The following PTPRR variants were observed in gnomAD, a reference collection of about 807,000 sequenced individuals.
PTPRR encodes the protein protein tyrosine phosphatase receptor type R, also known as receptor-type tyrosine-protein phosphatase R.
In PTPRR, 38 loss-of-function variants were observed where a neutral mutation model predicts 77.2. The observed-to-expected ratio is 0.49, with a 90% CI of 0.38 to 0.65. The LOEUF (loss-of-function observed/expected upper bound fraction) is 0.65, where lower values mean the gene tolerates loss of function less well. Ranked by LOEUF, PTPRR falls within the 30% of genes least tolerant of loss-of-function variation. PTPRR has a pLI of 0.00. For missense variants in PTPRR, 744 were observed against 799.2 expected, an observed-to-expected ratio of 0.93 and a Z score of 0.83; for synonymous variants, 299 against 283.1, an observed-to-expected ratio of 1.06 and a Z score of -0.57.
At chr12:70,714,524 T>C (rs963024795) in intron 6 of PTPRR, among the ~76,000 whole-genome samples, 10 of 152,196 alleles carry the variant, frequency 6.6e-5, no homozygotes, top group Non-Finnish European at 1.5e-4. Context: ...AAATTTGTCT[T>C]ATTAGAACAA....
chr12:70,805,445 C>T (rs1311828571), intron 2 of PTPRR, among the ~76,000 whole-genome samples: 4 of 152,140 alleles, frequency 2.6e-5, no homozygotes, highest in African/African-American at 9.6e-5. Flanking sequence ...TCCTGGGCTC[C>T]TGGGCTTAAG....
chr12:70,805,009 A>G (rs1454280140), intron 2 of PTPRR, among the ~76,000 whole-genome samples: 1 of 152,232 alleles, frequency 6.6e-6, no homozygotes, highest in Non-Finnish European at 1.5e-5. Flanking sequence ...ATTTTGTCAC[A>G]CACGAACGAG....
Position 70,920,505 on chromosome 12 carries a change from G to T in PTPRR, c.-115C>A. On this transcript the variant is annotated 5_prime_UTR_variant, in exon 1 of 14. Transcript: ENST00000283228. ...CTAGTCTCCGGGATTCAGGTCCTCG[G>T]CTGGGGTTTGCAGAGCAGTCAGTCT... is the stretch of plus-strand genomic sequence containing the variant. 1 of 1,005,900 alleles carries T rather than the reference G, an allele frequency of 9.9e-7. No individual in the cohort carries two copies. Among genetic ancestry groups the T allele is most frequent in the Non-Finnish European group, 1.5e-6 (1 of 670,182 alleles). The allele number at this position is 1,005,900 out of a possible 1,614,324, so 62.3% of individuals were successfully genotyped here.
intron 10 of PTPRR, among the ~76,000 whole-genome samples, chr12:70,675,876 T>C (rs143801227): frequency 6.6e-6 from 1 of 151,996 alleles, no homozygotes; most frequent in East Asian, 1.9e-4. Flanking sequence ...GGCTTCTAGT[T>C]TTGCTATAGA....
intron 3 of PTPRR, among the ~76,000 whole-genome samples, chr12:70,762,304 C>A (rs1592740396): frequency 6.6e-6 from 1 of 152,070 alleles, no homozygotes; most frequent in East Asian, 1.9e-4. Context: ...TACACACACA[C>A]ACACACACAG....
At chr12:70,662,692 A>G in intron 10 of PTPRR, 87 bp from the exon 11 acceptor site, 2 of 652,020 alleles carry the variant, frequency 3.1e-6, no homozygotes, top group East Asian at 2.8e-5. Context: ...CAAGAGTTTT[A>G]TATCATTAGT....
chr12:70,721,523 T>C (rs1889252257), intron 6 of PTPRR, among the ~76,000 whole-genome samples: 1 of 152,162 alleles, frequency 6.6e-6, no homozygotes, highest in Non-Finnish European at 1.5e-5. Flanking sequence ...AATTATAAAA[T>C]ATATTTCAAC....
At chr12:70,757,094 T>C (rs1189089980) in intron 4 of PTPRR, among the ~76,000 whole-genome samples, 2 of 152,198 alleles carry the variant, frequency 1.3e-5, no homozygotes, top group Admixed American at 1.3e-4. Context: ...TCCTCAGCAC[T>C]GTATGGCTAG....
intron 2 of PTPRR, among the ~76,000 whole-genome samples, chr12:70,775,298 C>T (rs1026884192): frequency 2.6e-5 from 4 of 152,164 alleles, no homozygotes; most frequent in Non-Finnish European, 4.4e-5. Context: ...CACTACTGTT[C>T]CCCTCCACAA....
intron 6 of PTPRR, among the ~76,000 whole-genome samples, chr12:70,724,460 G>A (rs1889365708): frequency 1.3e-5 from 2 of 152,052 alleles, no homozygotes; most frequent in African/African-American, 4.8e-5. Flanking sequence ...AACACAACAG[G>A]GCTTGATAAC....
At chr12:70,805,814 A>G (rs1326193462) in intron 2 of PTPRR, among the ~76,000 whole-genome samples, 1 of 152,210 alleles carries the variant, frequency 6.6e-6, no homozygotes, top group Non-Finnish European at 1.5e-5. Context: ...TAAGTTGTAG[A>G]GTTGAAATTT....
At chr12:70,754,610 T>C in intron 4 of PTPRR, 1 of 1,597,966 alleles carries the variant, frequency 6.3e-7, no homozygotes, top group South Asian at 1.1e-5. Context: ...GAGAGTTCTG[T>C]TCTTTTCTGT....
intron 5 of PTPRR, among the ~76,000 whole-genome samples, chr12:70,747,973 T>C (rs1406037002): frequency 6.6e-6 from 1 of 151,988 alleles, no homozygotes; most frequent in Non-Finnish European, 1.5e-5. Context: ...TGTCTGGAGG[T>C]ATTTTTGGTT....
At chr12:70,726,983 G>A (rs996793072) in intron 6 of PTPRR, among the ~76,000 whole-genome samples, 1 of 151,890 alleles carries the variant, frequency 6.6e-6, no homozygotes, top group African/African-American at 2.4e-5. Context: ...GGAGAGAAGG[G>A]GGAAAGTGGA....
intron 6 of PTPRR, among the ~76,000 whole-genome samples, chr12:70,730,990 AG>A (rs1414473599): frequency 6.8e-6 from 1 of 147,524 alleles, no homozygotes; most frequent in African/African-American, 2.5e-5. Flanking sequence ...GGAGAGAGGA[AG>A]GAAGGAGGAA....
intron 8 of PTPRR, among the ~76,000 whole-genome samples, chr12:70,691,669 G>A (rs764714262): frequency 6.6e-6 from 1 of 152,138 alleles, no homozygotes; most frequent in African/African-American, 2.4e-5. Context: ...TTCTGCTATT[G>A]TTTAGGTTAG....
intron 2 of PTPRR, among the ~76,000 whole-genome samples, chr12:70,855,157 T>C (rs1892631677): frequency 1.3e-5 from 2 of 152,190 alleles, no homozygotes; most frequent in South Asian, 2.1e-4. Flanking sequence ...CTTCCATGAA[T>C]GGTACAATAA....
intron 1 of PTPRR, among the ~76,000 whole-genome samples, chr12:70,908,382 C>T (rs11178484): frequency 0.053 from 8,111 of 152,246 alleles, 363 homozygotes; most frequent in African/African-American, 0.12. Context: ...AATTGACTCA[C>T]AGTTCCGCGT....
At chr12:70,663,357 A>T (rs1371057156) in intron 10 of PTPRR, among the ~76,000 whole-genome samples, 4 of 152,216 alleles carry the variant, frequency 2.6e-5, no homozygotes, top group Non-Finnish European at 4.4e-5. Flanking sequence ...ACCATTCATT[A>T]CCTGTGAATC....
Sources: allele counts gnomAD v4.1 joint callset (sites outside exome capture counted in the v4.1 genomes callset), GRCh38; gene constraint gnomAD v4.1.1; transcripts MANE v1.5; gene names NCBI Gene and HGNC (gene_info 2026-07-23, HGNC 2026-07-21).